Variants in UTS2B observed in about 807,000 individuals in gnomAD.
UTS2B encodes urotensin-2B.
UTS2B carries 21 observed loss-of-function variants against 19.2 expected under a neutral mutation model. That is an observed-to-expected ratio of 1.09 (90% CI 0.78 to 1.58). UTS2B has a LOEUF of 1.58. Ranked by LOEUF, UTS2B falls within the 40% of genes most tolerant of loss-of-function variation. UTS2B has a pLI of 0.00. For synonymous variants in UTS2B, 57 were observed against 50.2 expected (o/e 1.14, Z -0.58); for missense variants, 138 against 130.3 (o/e 1.06, Z -0.29).
At chr3:191,314,096 C>T (rs1163878167) in intron 3 of UTS2B, among the ~76,000 whole-genome samples, 1 of 152,106 alleles carries the variant, frequency 6.6e-6, no homozygotes, top group Non-Finnish European at 1.5e-5. Flanking sequence ...CTTGCTTTTT[C>T]CACTGCACTT....
intron 1 of UTS2B, among the ~76,000 whole-genome samples, chr3:191,329,946 G>GT (rs1378705488): frequency 1.0e-5 from 1 of 100,056 alleles, no homozygotes. Flanking sequence ...GGTGGTTGGG[G>GT]GGGGGGGGGG....
chr3:191,294,557 T>C (rs566653710), intron 4 of UTS2B: 3 of 151,980 alleles, frequency 2.0e-5, no homozygotes, highest in South Asian at 4.1e-4. Flanking sequence ...TGTTGTCACT[T>C]ACTTTCTTCA....
At chr3:191,305,301 C>T (rs553463645) in intron 3 of UTS2B, among the ~76,000 whole-genome samples, 5 of 152,242 alleles carry the variant, frequency 3.3e-5, no homozygotes, top group Non-Finnish European at 2.9e-5. Context: ...ATAAGTGTTC[C>T]TTTTTCTCCA....
intron 1 of UTS2B, chr3:191,329,795 G>A: frequency 1.3e-6 from 2 of 1,524,270 alleles, no homozygotes; most frequent in Non-Finnish European, 1.8e-6. Flanking sequence ...GGTCAGGGGC[G>A]TTGCCATTTC....
intron 4 of UTS2B, among the ~76,000 whole-genome samples, chr3:191,301,426 T>C (rs879503597): frequency 1.3e-5 from 2 of 152,032 alleles, no homozygotes; most frequent in African/African-American, 2.4e-5. Context: ...CATTGAGTTA[T>C]AGATGAAGTT....
intron 8 of UTS2B, chr3:191,273,260 G>A (rs762045052): frequency 3.0e-6 from 1 of 332,104 alleles, no homozygotes; most frequent in Non-Finnish European, 6.0e-6. Context: ...CACTAGAAGA[G>A]ATTTGGGGTT....
At chr3:191,325,907 T>C (rs1201458173) in intron 2 of UTS2B, among the ~76,000 whole-genome samples, 1 of 152,238 alleles carries the variant, frequency 6.6e-6, no homozygotes, top group Admixed American at 6.5e-5. Flanking sequence ...ATTTCTGTTA[T>C]TTAAGCCATT....
intron 2 of UTS2B, among the ~76,000 whole-genome samples, chr3:191,318,472 T>C (rs1274418172): frequency 6.6e-6 from 1 of 152,204 alleles, no homozygotes; most frequent in Admixed American, 6.5e-5. Flanking sequence ...CTTTTATGTT[T>C]TATTTTTTAT....
chr3:191,316,430 G>C lies in UTS2B; in HGVS notation c.-576C>G, dbSNP rs959569588. ...GTGCAGACCCAAAGAGTGAGCAGCA[G>C]CAAGATTTACTGCAAAGAGCGAAAA... is the stretch of plus-strand genomic sequence containing the variant. On this transcript the variant is annotated 5_prime_UTR_variant, in exon 3 of 9. Coordinates refer to ENST00000340524, the MANE Select transcript of UTS2B (RefSeq NM_198152.5). The C allele has an allele frequency of 3.3e-5, 5 of 152,266 alleles. No homozygotes were observed. Among genetic ancestry groups the C allele is most frequent in the Admixed American group, 2.6e-4 (4 of 15,282 alleles). The allele number at this position is 152,266 out of a possible 1,614,324, so 9.4% of individuals were successfully genotyped here.
chr3:191,312,304 G>A (rs1279065403), intron 3 of UTS2B, among the ~76,000 whole-genome samples: 1 of 152,158 alleles, frequency 6.6e-6, no homozygotes, highest in Non-Finnish European at 1.5e-5. Flanking sequence ...TGGAGGCGAT[G>A]TGGAATGAGA....
chr3:191,321,201 G>T (rs1276983206), intron 2 of UTS2B, among the ~76,000 whole-genome samples: 1 of 152,152 alleles, frequency 6.6e-6, no homozygotes, highest in Non-Finnish European at 1.5e-5. Flanking sequence ...GTGTGTGTGG[G>T]GAGGGGTGGG....
At chr3:191,284,786 A>AT (rs1281551259) in intron 4 of UTS2B, among the ~76,000 whole-genome samples, 2 of 151,886 alleles carry the variant, frequency 1.3e-5, no homozygotes, top group African/African-American at 4.8e-5. Flanking sequence ...TTTCCAAAAT[A>AT]TTTTTCTGCC....
At chr3:191,277,697 A>G (rs1032105022) in intron 6 of UTS2B, 13 of 153,510 alleles carry the variant, frequency 8.5e-5, no homozygotes, top group African/African-American at 3.1e-4. Flanking sequence ...GCTGCAGTTA[A>G]TTTGTGAAAT....
chr3:191,324,513 G>C (rs1395804433), intron 2 of UTS2B, among the ~76,000 whole-genome samples: 1 of 152,128 alleles, frequency 6.6e-6, no homozygotes, highest in Non-Finnish European at 1.5e-5. Flanking sequence ...TCCTGACAGT[G>C]AATAAGTGTC....
At position 191,289,990 on chromosome 3, in the gene UTS2B, TTTC is replaced by T. The variant is rs553147079; in HGVS notation, c.-124-7680_-124-7678del. On this transcript the variant is annotated intron_variant, in intron 4 of 8. Coordinates refer to ENST00000340524, the MANE Select transcript of UTS2B (RefSeq NM_198152.5). ...TGTATGTGAAGGAATCATATGCTAA[TTTC>T]TTCAATTTAGTCATAACATAATGTA... is the stretch of plus-strand genomic sequence containing the variant. Among the ~76,000 whole-genome samples the T allele has an allele frequency of 8.0e-4, 122 of 152,334 alleles. 2 individuals are homozygous for T. The highest frequency in any genetic ancestry group is 2.7e-3 in the African/African-American group (113 of 41,580).
At chr3:191,314,821 G>A (rs1717402072) in intron 3 of UTS2B, among the ~76,000 whole-genome samples, 1 of 152,144 alleles carries the variant, frequency 6.6e-6, no homozygotes, top group South Asian at 2.1e-4. Flanking sequence ...GGTTCAGAGA[G>A]CTTCTGGATA....
At chr3:191,315,498 T>TG (rs1366247114) in intron 3 of UTS2B, among the ~76,000 whole-genome samples, 2 of 152,192 alleles carry the variant, frequency 1.3e-5, no homozygotes, top group African/African-American at 4.8e-5. Context: ...GTGTCGGAAT[T>TG]GGATTGGAGT....
intron 4 of UTS2B, among the ~76,000 whole-genome samples, chr3:191,301,935 C>T (rs1717014912): frequency 2.0e-5 from 3 of 152,248 alleles, no homozygotes; most frequent in African/African-American, 4.8e-5. Context: ...CTGCTTGTGT[C>T]AGAGGCATTT....
At chr3:191,343,535 A>G in the UTS2B span, among the ~76,000 whole-genome samples, 2 of 152,256 alleles carry the variant, frequency 1.3e-5, no homozygotes, top group Non-Finnish European at 2.9e-5. Context: ...CAATTTAAAA[A>G]CAGCAGAAGT....
Sources: allele counts gnomAD v4.1 joint callset (sites outside exome capture counted in the v4.1 genomes callset), GRCh38; gene constraint gnomAD v4.1.1; transcripts MANE v1.5; gene names NCBI Gene and HGNC (gene_info 2026-07-23, HGNC 2026-07-21).